Variants in PTPN4 observed in about 807,000 individuals in gnomAD.
PTPN4 encodes tyrosine-protein phosphatase non-receptor type 4.
PTPN4 carries 49 observed loss-of-function variants against 135.5 expected under a neutral mutation model. That is an observed-to-expected ratio of 0.36 (90% confidence interval 0.29 to 0.46). The LOEUF (loss-of-function observed/expected upper bound fraction) is 0.46. PTPN4 is among the 20% of genes least tolerant of loss of function. The pLI is 1.00. For missense variants in PTPN4, 860 were observed against 1,101.0 expected (o/e 0.78, Z 3.10); for synonymous variants, 333 against 369.9 (o/e 0.90, Z 1.14).
At chr2:119,876,733 C>G (rs1677987917) in intron 3 of PTPN4, among the ~76,000 whole-genome samples, 1 of 151,940 alleles carries the variant, frequency 6.6e-6, no homozygotes, top group Admixed American at 6.6e-5. Flanking sequence ...AAAAATCAAT[C>G]ATTCTCAAAA....
At chr2:119,853,214 G>T (rs1677623197) in intron 2 of PTPN4, among the ~76,000 whole-genome samples, 1 of 152,172 alleles carries the variant, frequency 6.6e-6, no homozygotes, top group Admixed American at 6.5e-5. Flanking sequence ...TCTAGCAATT[G>T]CTGAGAGAGG....
intron 1 of PTPN4, among the ~76,000 whole-genome samples, chr2:119,764,634 T>G (rs1690572941): frequency 6.6e-6 from 1 of 152,056 alleles, no homozygotes; most frequent in Non-Finnish European, 1.5e-5. Flanking sequence ...TAATATCTTC[T>G]TAAGCTTTTT....
intron 10 of PTPN4, among the ~76,000 whole-genome samples, chr2:119,904,395 C>A (rs1485178619): frequency 3.3e-5 from 5 of 151,784 alleles, no homozygotes; most frequent in Non-Finnish European, 5.9e-5. Context: ...GCCTGAATGA[C>A]AAATGGAACA....
chr2:119,838,902 A>G (rs912346314), intron 2 of PTPN4, among the ~76,000 whole-genome samples: 1 of 152,190 alleles, frequency 6.6e-6, no homozygotes, highest in Non-Finnish European at 1.5e-5. Flanking sequence ...GGATTTTGGT[A>G]TATGTTAGAA....
chr2:119,952,005 G>A lies in PTPN4; in HGVS notation c.1689G>A (p.Gly563=). The part of the protein sequence containing the change: ...ADLCVPRLNE[G]DQVVLINGRD... ...TCTGTGTCCCTAGACTGAATGAAGG[G>A]GACCAAGTTGTACTGATCAATGGTC... Residue 563 remains glycine (G), a synonymous_variant, in exon 19 of 27, where the codon GGG becomes GGA. Coordinates refer to ENST00000263708, the MANE Select transcript of PTPN4 (RefSeq NM_002830.4). The A allele has an allele frequency of 6.2e-7, 1 of 1,613,014 alleles. No individual in the cohort carries two copies. Among genetic ancestry groups the A allele is most frequent in the Non-Finnish European group, 8.5e-7 (1 of 1,179,256 alleles).
intron 1 of PTPN4, among the ~76,000 whole-genome samples, chr2:119,794,074 C>T (rs754012833): frequency 1.3e-5 from 2 of 151,832 alleles, no homozygotes; most frequent in Non-Finnish European, 2.9e-5. Flanking sequence ...TCTTGAACTC[C>T]TGGGCTCAAG....
chr2:119,835,195 C>CT (rs1343464695), intron 2 of PTPN4, among the ~76,000 whole-genome samples: 1 of 151,902 alleles, frequency 6.6e-6, no homozygotes, highest in African/African-American at 2.4e-5. Flanking sequence ...TATGTTATCT[C>CT]TTTTTTTGAG....
Position 119,775,096 on chromosome 2 carries a change from G to GAA in PTPN4, c.-18+14740_-18+14741dup, listed in dbSNP as rs35234122. ...AATGCAGATGAAGGTGCCCTATTCT[G>GAA]AAAAAAAAAAAAAAAAAAAAAAAAA... On this transcript the variant is annotated intron_variant, in intron 1 of 26. Transcript: ENST00000263708. Among the ~76,000 whole-genome samples, 75 of 66,750 alleles carry GAA rather than the reference G, an allele frequency of 1.1e-3. 2 individuals carry two copies. Among genetic ancestry groups the GAA allele is most frequent in the Non-Finnish European group, 1.9e-3 (68 of 36,360 alleles). 43.8% of individuals were successfully genotyped at this position (66,750 alleles called of 152,430 possible).
intron 2 of PTPN4, among the ~76,000 whole-genome samples, chr2:119,853,963 C>T (rs1310271909): frequency 2.0e-5 from 3 of 152,096 alleles, no homozygotes; most frequent in Non-Finnish European, 4.4e-5. Context: ...GAAAAGGCTC[C>T]CCCATAGAGA....
chr2:119,872,510 C>T (rs1358981400), intron 3 of PTPN4, among the ~76,000 whole-genome samples: 3 of 152,288 alleles, frequency 2.0e-5, no homozygotes, highest in African/African-American at 4.8e-5. Flanking sequence ...AAATATCTTA[C>T]CTTTAACTCA....
At chr2:119,956,536 TAAATGA>T (rs1329411601) in intron 20 of PTPN4, among the ~76,000 whole-genome samples, 3 of 152,234 alleles carry the variant, frequency 2.0e-5, no homozygotes, top group African/African-American at 7.2e-5. Context: ...ACCTCCAAAC[TAAATGA>T]AAGTTAAATG....
chr2:119,909,282 G>A (rs868305525), intron 10 of PTPN4, among the ~76,000 whole-genome samples: 5 of 152,092 alleles, frequency 3.3e-5, no homozygotes, highest in Admixed American at 6.6e-5. Context: ...CTCTTGTTGC[G>A]GAATAAAGTT....
chr2:119,922,217 TTA>T (rs1491551819), intron 12 of PTPN4, among the ~76,000 whole-genome samples: 5 of 110,422 alleles, frequency 4.5e-5, no homozygotes, highest in African/African-American at 2.4e-4. Context: ...ACAATCTGAT[TTA>T]AAAAAAAAAA....
chr2:119,894,193 C>T (rs1678283980), intron 9 of PTPN4, among the ~76,000 whole-genome samples: 1 of 152,180 alleles, frequency 6.6e-6, no homozygotes, highest in South Asian at 2.1e-4. Flanking sequence ...TCCAAAACCT[C>T]ATTTTTAACC....
intron 5 of PTPN4, among the ~76,000 whole-genome samples, chr2:119,879,094 A>C (rs1678031342): frequency 6.7e-6 from 1 of 149,634 alleles, no homozygotes; most frequent in South Asian, 2.1e-4. Flanking sequence ...CTCCGTCTGA[A>C]AAAAAAAAAA....
At chr2:119,955,613 G>A (rs1489552105) in intron 20 of PTPN4, among the ~76,000 whole-genome samples, 1 of 152,024 alleles carries the variant, frequency 6.6e-6, no homozygotes, top group East Asian at 1.9e-4. Flanking sequence ...TTGAAAGGTG[G>A]CAGATGAAGA....
At chr2:119,930,828 TG>T (rs1481267570) in intron 13 of PTPN4, among the ~76,000 whole-genome samples, 1 of 151,518 alleles carries the variant, frequency 6.6e-6, no homozygotes, top group African/African-American at 2.4e-5. Flanking sequence ...CCTTGGTAAT[TG>T]TTTTTTTTTT....
In PTPN4 at chr2:119,962,639, A is replaced by G. The variant is rs1250522651; in HGVS notation, c.2304A>G (p.Pro768=). ...AGGTTAAATGTCACCAATATTGGCCAGAACCCACAGGCAGTTCATCTTATG... is the reference window on the plus strand; with the variant it reads ...AGGTTAAATGTCACCAATATTGGCCGGAACCCACAGGCAGTTCATCTTATG... ...RGRVKCHQYW[P]EPTGSSSYGC... Residue 768 remains proline (P), a synonymous_variant, in exon 24 of 27, where the codon CCA becomes CCG. Transcript: ENST00000263708. 6.4e-7 allele frequency: 1 copy of G among 1,554,566 alleles called. No individual in the cohort carries two copies. The highest frequency in any genetic ancestry group is 8.8e-7 in the Non-Finnish European group (1 of 1,141,598).
At position 119,956,881 on chromosome 2, in the gene PTPN4, G is replaced by A; in HGVS notation, c.2018G>A (p.Cys673Tyr). 6.3e-7 allele frequency: 1 copy of A among 1,598,302 alleles called. No homozygotes were observed. Among genetic ancestry groups the A allele is most frequent in the Non-Finnish European group, 8.5e-7 (1 of 1,175,586 alleles). Residue 673 changes from cysteine (C) to tyrosine (Y), a missense_variant, in exon 21 of 27, where the codon TGT becomes TAT. This residue lies in a region of PTPN4 where 684 missense variants were observed against 807.0 expected (regional missense o/e 0.85). Transcript: ENST00000263708. ...AAAAAACCTGGAATGACAATGTCCT[G>A]TGCCAAATTACCTCAGAATATTTCC... ...YRKKPGMTMS[C>Y]AKLPQNISKN...
Sources: gnomAD v4.1 joint callset for allele counts (sites outside exome capture counted in the v4.1 genomes callset) on GRCh38, gnomAD v4.1.1 for gene constraint, gnomAD v4.1.1 regional missense constraint, MANE v1.5 for transcripts, NCBI Gene and HGNC (gene_info 2026-07-23, HGNC 2026-07-21) for gene names.